Variants in EPB41L4A observed in about 807,000 individuals in gnomAD.
EPB41L4A encodes band 4.1-like protein 4A.
EPB41L4A carries 100 observed loss-of-function variants against 108.6 expected under a neutral mutation model. The observed-to-expected ratio is 0.92, with a 90% CI of 0.78 to 1.09. EPB41L4A has a LOEUF of 1.09. EPB41L4A is among the 50% of genes least tolerant of loss of function. The pLI, the probability that EPB41L4A is intolerant of heterozygous loss-of-function variation, is 0.00. For synonymous variants in EPB41L4A, 319 were observed against 289.0 expected, an observed-to-expected ratio of 1.10 and a Z score of -1.05; for missense variants, 1,030 against 842.7, an observed-to-expected ratio of 1.22 and a Z score of -2.75.
chr5:112,189,905 C>G (rs541148743), intron 17 of EPB41L4A, among the ~76,000 whole-genome samples: 13 of 152,280 alleles, frequency 8.5e-5, no homozygotes, highest in African/African-American at 2.9e-4. Flanking sequence ...TAAGACATAT[C>G]CAGGTAAAGC....
chr5:112,176,924 T>G (rs896527342), intron 18 of EPB41L4A, among the ~76,000 whole-genome samples: 1 of 151,722 alleles, frequency 6.6e-6, no homozygotes, highest in African/African-American at 2.4e-5. Context: ...CCAGCTAATT[T>G]TTGTATTTTT....
rs1026348196 is a variant in EPB41L4A at position 112,263,668 on chromosome 5, T to C, written c.555-1087A>G. On this transcript the variant is annotated intron_variant, in intron 6 of 22. Transcript: ENST00000261486. The stretch of plus-strand genomic sequence containing the variant: ...GAAAATGAAGGACTCTACAATCAGG[T>C]TGGAGAGCCTTCTAGTGCATGCTAA... 10 of 152,232 alleles carry C rather than the reference T, an allele frequency of 6.6e-5. No individual in the cohort carries two copies. In the South Asian group the frequency reaches 1.9e-3, roughly 28 times the overall value. The allele number at this position is 152,232 out of a possible 1,614,324, so 9.4% of individuals were successfully genotyped here. A position where few individuals can be genotyped will look rare whatever the true frequency, so the allele number is the denominator to read the frequency against.
intron 4 of EPB41L4A, among the ~76,000 whole-genome samples, chr5:112,272,389 C>T (rs1752323657): frequency 6.6e-6 from 1 of 152,000 alleles, no homozygotes; most frequent in Non-Finnish European, 1.5e-5. Context: ...GATCTGCCCG[C>T]CTTGGCCTCC....
At chr5:112,376,127 C>T (rs1759804752) in intron 1 of EPB41L4A, among the ~76,000 whole-genome samples, 1 of 152,054 alleles carries the variant, frequency 6.6e-6, no homozygotes, top group South Asian at 2.1e-4. Flanking sequence ...ACTACATATC[C>T]AAAGAGAGGA....
chr5:112,274,354 T>A (rs1266273936), intron 4 of EPB41L4A, among the ~76,000 whole-genome samples: 3 of 152,062 alleles, frequency 2.0e-5, no homozygotes, highest in Non-Finnish European at 4.4e-5. Context: ...GTTCAAAAGA[T>A]TATATCTTAA....
chr5:112,367,183 A>T (rs1759173471), intron 1 of EPB41L4A, among the ~76,000 whole-genome samples: 1 of 152,210 alleles, frequency 6.6e-6, no homozygotes, highest in Admixed American at 6.5e-5. Context: ...CTCTGCCCCT[A>T]GAGGAAAGAG....
chr5:112,226,184 T>C (rs35096247), intron 12 of EPB41L4A, among the ~76,000 whole-genome samples: 46,962 of 152,120 alleles, frequency 0.31, 8,459 homozygotes, highest in South Asian at 0.55. Flanking sequence ...ATTACTTTAT[T>C]AGGCCAGTTT....
intron 13 of EPB41L4A, chr5:112,145,749 C>T (rs1759227986): frequency 3.2e-6 from 1 of 315,766 alleles, no homozygotes; most frequent in South Asian, 2.6e-5. Context: ...GTGCATACAA[C>T]ATCCTCAACC....
intron 1 of EPB41L4A, among the ~76,000 whole-genome samples, chr5:112,326,106 T>C (rs960795580): frequency 3.3e-5 from 5 of 152,096 alleles, no homozygotes; most frequent in Admixed American, 2.6e-4. Context: ...GCTATGATCA[T>C]ACCACTGTAC....
At chr5:112,231,791 C>CAAAA (rs777370941) in intron 12 of EPB41L4A, among the ~76,000 whole-genome samples, 532 of 37,562 alleles carry the variant, frequency 0.014, 26 homozygotes, top group Non-Finnish European at 0.017. Flanking sequence ...GACTCCGTCT[C>CAAAA]AAAAAAAAAA....
intron 1 of EPB41L4A, among the ~76,000 whole-genome samples, chr5:112,369,269 C>G (rs868417033): frequency 1.3e-5 from 2 of 152,176 alleles, no homozygotes; most frequent in Admixed American, 1.3e-4. Flanking sequence ...TTCCCCTGTA[C>G]CAGTTCAATT....
chr5:112,396,796 A>C (rs1417176202), intron 1 of EPB41L4A, among the ~76,000 whole-genome samples: 1 of 152,218 alleles, frequency 6.6e-6, no homozygotes, highest in Non-Finnish European at 1.5e-5. Flanking sequence ...TCTCCAAAGC[A>C]ATGAGTCCAG....
intron 1 of EPB41L4A, among the ~76,000 whole-genome samples, chr5:112,406,952 G>A (rs1202911726): frequency 6.6e-6 from 1 of 152,058 alleles, no homozygotes; most frequent in Non-Finnish European, 1.5e-5. Flanking sequence ...AATTATGTCA[G>A]CTCTTCCACA....
chr5:112,265,178 T>C (rs1751763515), intron 5 of EPB41L4A, among the ~76,000 whole-genome samples, 162 bp from the exon 6 acceptor site: 1 of 152,232 alleles, frequency 6.6e-6, no homozygotes, highest in Non-Finnish European at 1.5e-5. Flanking sequence ...CTGATGAGCA[T>C]ATACGGATGG....
intron 18 of EPB41L4A, among the ~76,000 whole-genome samples, chr5:112,180,997 A>G (rs1423344800): frequency 1.3e-5 from 2 of 152,224 alleles, no homozygotes; most frequent in Admixed American, 6.5e-5. Context: ...TAAAACTACA[A>G]TGGAATCTCT....
At chr5:112,390,432 C>T (rs1003572256) in intron 1 of EPB41L4A, among the ~76,000 whole-genome samples, 1 of 152,142 alleles carries the variant, frequency 6.6e-6, no homozygotes. Flanking sequence ...ACCCACGGAG[C>T]CTTGCTCACT....
intron 1 of EPB41L4A, among the ~76,000 whole-genome samples, chr5:112,320,516 G>C (rs1755705451): frequency 6.6e-6 from 1 of 152,146 alleles, no homozygotes; most frequent in South Asian, 2.1e-4. Flanking sequence ...CAGTAACAGT[G>C]GGGCAGGGGA....
chr5:112,238,042 G>A lies in EPB41L4A; in HGVS notation c.965+1618C>T, dbSNP rs180708802. On this transcript the variant is annotated intron_variant, in intron 11 of 22. Coordinates refer to ENST00000261486, the MANE Select transcript of EPB41L4A (RefSeq NM_022140.5). ...AACATTTGCATTTCAATAAATTTGA[G>A]AAATAAAGTATGGCTAAATTTGTGG... is the stretch of plus-strand genomic sequence containing the variant. 5.8e-3 allele frequency among the ~76,000 whole-genome samples: 879 copies of A among 152,248 alleles called. 3 individuals are homozygous for A. Among genetic ancestry groups the A allele is most frequent in the Middle Eastern group, 0.01 (3 of 294 alleles).
intron 1 of EPB41L4A, among the ~76,000 whole-genome samples, chr5:112,399,277 C>G (rs993909462): frequency 3.3e-5 from 5 of 152,110 alleles, no homozygotes; most frequent in African/African-American, 1.2e-4. Context: ...CACCCCCATT[C>G]AGCCCAAACA....
Sources: allele counts gnomAD v4.1 joint callset (sites outside exome capture counted in the v4.1 genomes callset), GRCh38; gene constraint gnomAD v4.1.1; transcripts MANE v1.5; gene names NCBI Gene and HGNC (gene_info 2026-07-23, HGNC 2026-07-21).